The following EYS variants were observed in gnomAD, a reference collection of about 807,000 sequenced individuals.
The protein encoded by EYS is EGF-like photoreceptor maintenance factor.
In EYS, 250 loss-of-function variants were observed where a neutral mutation model predicts 282.1. The observed-to-expected ratio is 0.89, with a 90% CI of 0.80 to 0.98. EYS has a LOEUF of 0.98. Ranked by LOEUF, EYS falls within the 50% of genes least tolerant of loss-of-function variation. The probability of loss-of-function intolerance (pLI) is 0.00; values close to 1 mark genes in which losing one functional copy is unlikely to be tolerated. For synonymous variants in EYS, 1,355 were observed against 1,282.9 expected, an observed-to-expected ratio of 1.06 and a Z score of -1.20; for missense variants, 4,016 against 3,709.0, an observed-to-expected ratio of 1.08 and a Z score of -2.15.
At chr6:64,394,307 A>T (rs1202452845) in intron 28 of EYS, among the ~76,000 whole-genome samples, 4 of 152,144 alleles carry the variant, frequency 2.6e-5, no homozygotes, top group Non-Finnish European at 5.9e-5. Flanking sequence ...GAACCAAAAA[A>T]GAGCCTGCAT....
intron 5 of EYS, among the ~76,000 whole-genome samples, chr6:65,468,788 T>A (rs1202846751): frequency 1.3e-5 from 2 of 152,014 alleles, no homozygotes; most frequent in African/African-American, 4.8e-5. Flanking sequence ...ATTGTTACAT[T>A]TCAAGAAAAA....
intron 35 of EYS, among the ~76,000 whole-genome samples, chr6:63,981,041 C>T (rs1269513114): frequency 6.6e-6 from 1 of 151,822 alleles, no homozygotes; most frequent in African/African-American, 2.4e-5. Flanking sequence ...TCCGTGTATG[C>T]CAAGTGTGAA....
At position 65,016,666 on chromosome 6, in the gene EYS, A is replaced by C. The variant is rs555161715; in HGVS notation, c.2138-18963T>G. On this transcript the variant is annotated intron_variant, in intron 13 of 42. Transcript: ENST00000503581. ...AGAATCAAGTCATCCAACTTCAATA[A>C]TCAGCAATAAAAACATGAAAAGATT... 4.6e-5 allele frequency among the ~76,000 whole-genome samples: 7 copies of C among 152,312 alleles called. No individual in the cohort carries two copies. In the East Asian group the frequency reaches 1.3e-3, roughly 29 times the overall value.
chr6:64,277,133 G>A (rs1357418107), intron 30 of EYS, among the ~76,000 whole-genome samples: 1 of 152,002 alleles, frequency 6.6e-6, no homozygotes, highest in Non-Finnish European at 1.5e-5. Flanking sequence ...ATAGAGCATT[G>A]AGAACTTGTT....
chr6:64,172,901 C>G (rs936949571), intron 31 of EYS, among the ~76,000 whole-genome samples: 2 of 152,158 alleles, frequency 1.3e-5, no homozygotes, highest in Non-Finnish European at 2.9e-5. Context: ...CGTCTCGAAA[C>G]CATCCTCCTC....
intron 15 of EYS, among the ~76,000 whole-genome samples, chr6:64,933,464 C>A (rs769536718): frequency 6.6e-6 from 1 of 152,032 alleles, no homozygotes; most frequent in South Asian, 2.1e-4. Context: ...GAATGGCAAT[C>A]ATTAAAAATC....
chr6:64,344,112 G>A (rs577436207), intron 29 of EYS, among the ~76,000 whole-genome samples: 12 of 152,178 alleles, frequency 7.9e-5, no homozygotes, highest in Admixed American at 2.0e-4. Flanking sequence ...ATTCACAGCC[G>A]AATTCTACCA....
chr6:64,662,221 T>G (rs1407712759), intron 22 of EYS, among the ~76,000 whole-genome samples: 2 of 95,760 alleles, frequency 2.1e-5, no homozygotes. Context: ...CATCACACAC[T>G]GGGGCCTGTT....
intron 35 of EYS, 141 bp from the exon 36 acceptor site, chr6:63,864,499 C>T (rs369795317): frequency 1.9e-6 from 1 of 515,310 alleles, no homozygotes; most frequent in Non-Finnish European, 3.2e-6. Context: ...TTTTCTCCCT[C>T]TTTTCTGTTT....
At chr6:63,727,738 AT>A (rs1561997575) in intron 41 of EYS, among the ~76,000 whole-genome samples, 5 of 46,400 alleles carry the variant, frequency 1.1e-4, no homozygotes, top group Non-Finnish European at 1.1e-4. Flanking sequence ...AAAAAAAAAA[AT>A]ATATATATAT....
intron 33 of EYS, among the ~76,000 whole-genome samples, chr6:64,028,057 A>G (rs1019533374): frequency 3.8e-4 from 58 of 152,196 alleles, no homozygotes; most frequent in Non-Finnish European, 5.9e-5. Flanking sequence ...CTCTTTTCAC[A>G]TGCCTTTCTT....
chr6:63,799,927 G>A (rs1353448963), intron 37 of EYS, among the ~76,000 whole-genome samples: 2 of 152,208 alleles, frequency 1.3e-5, no homozygotes, highest in African/African-American at 4.8e-5. Context: ...TGGACTGAAC[G>A]AGAGCGATGG....
chr6:65,526,075 G>A (rs1329487270), intron 2 of EYS, among the ~76,000 whole-genome samples: 3 of 152,130 alleles, frequency 2.0e-5, no homozygotes, highest in East Asian at 1.9e-4. Context: ...GGTGAGAGCC[G>A]TGTCCTAACT....
intron 11 of EYS, among the ~76,000 whole-genome samples, chr6:65,315,098 T>C (rs1769264607): frequency 6.6e-6 from 1 of 152,074 alleles, no homozygotes; most frequent in Non-Finnish European, 1.5e-5. Flanking sequence ...TTAATACCTG[T>C]GCCTCATACT....
intron 32 of EYS, among the ~76,000 whole-genome samples, chr6:64,077,591 C>T (rs368788300): frequency 2.2e-4 from 33 of 152,114 alleles, no homozygotes; most frequent in African/African-American, 7.5e-4. Flanking sequence ...ATCCTCTCCT[C>T]CCACTGGAGT....
chr6:63,882,088 A>G (rs1483134595), intron 35 of EYS, among the ~76,000 whole-genome samples: 1 of 152,206 alleles, frequency 6.6e-6, no homozygotes, highest in African/African-American at 2.4e-5. Context: ...TCAACCTCTA[A>G]TATCTAAAAT....
At chr6:63,875,439 T>C (rs1422034797) in intron 35 of EYS, among the ~76,000 whole-genome samples, 2 of 152,214 alleles carry the variant, frequency 1.3e-5, no homozygotes, top group East Asian at 1.9e-4. Flanking sequence ...TTCTCTTTTT[T>C]TGTTGTGTCT....
intron 41 of EYS, among the ~76,000 whole-genome samples, chr6:63,729,356 G>T (rs1768720587): frequency 6.6e-6 from 1 of 151,638 alleles, no homozygotes; most frequent in Non-Finnish European, 1.5e-5. Flanking sequence ...TTCTTTCATG[G>T]ATTCTGCCTT....
chr6:64,939,103 T>G (rs1172306189), intron 15 of EYS, among the ~76,000 whole-genome samples: 2 of 151,838 alleles, frequency 1.3e-5, no homozygotes, highest in Non-Finnish European at 2.9e-5. Flanking sequence ...ATTATGCTCA[T>G]CTCATTAATA....
Sources: gnomAD v4.1 joint callset for allele counts (sites outside exome capture counted in the v4.1 genomes callset) on GRCh38, gnomAD v4.1.1 for gene constraint, MANE v1.5 for transcripts, NCBI Gene and HGNC (gene_info 2026-07-23, HGNC 2026-07-21) for gene names.